ADAM9: variants seen among roughly 807,000 people sequenced by gnomAD.
ADAM9 encodes ADAM metallopeptidase domain 9.
In ADAM9, 54 loss-of-function variants were observed where a neutral mutation model predicts 108.1. The ratio of observed to expected loss-of-function variants is 0.50; its 90% CI spans 0.40 to 0.63. The LOEUF is 0.63. Ranked by LOEUF, ADAM9 falls within the 20% of genes least tolerant of loss-of-function variation. The pLI, the probability that ADAM9 is intolerant of heterozygous loss-of-function variation, is 0.00. For missense variants in ADAM9, 830 were observed against 997.7 expected, an observed-to-expected ratio of 0.83 and a Z score of 2.26; for synonymous variants, 316 against 336.0, an observed-to-expected ratio of 0.94 and a Z score of 0.65.
At chr8:39,091,729 C>G (rs1326930409) in intron 20 of ADAM9, among the ~76,000 whole-genome samples, 4 of 152,138 alleles carry the variant, frequency 2.6e-5, no homozygotes. Context: ...TCAAGTGATC[C>G]ACCCGCCTTG....
intron 12 of ADAM9, among the ~76,000 whole-genome samples, chr8:39,046,423 TTG>T (rs1837776319): frequency 2.6e-5 from 4 of 152,222 alleles, no homozygotes; most frequent in Non-Finnish European, 5.9e-5. Context: ...AGGGACAGTT[TTG>T]CTTCATTTCC....
chr8:39,026,011 G>A lies in ADAM9; in HGVS notation c.996+127G>A, dbSNP rs1836908565. ...GGGTGTTATGAGGAACACAGTAGAA[G>A]TCGCAGATGGGTTCTTTCCCCAGAG... On this transcript the variant is annotated intron_variant, in intron 10 of 21. Coordinates refer to ENST00000487273, the MANE Select transcript of ADAM9 (RefSeq NM_003816.3). The A allele has an allele frequency of 5.0e-5, 45 of 903,996 alleles. No individual in the cohort carries two copies. In the South Asian group the frequency reaches 6.1e-4, roughly 12 times the overall value. 56.0% of individuals were successfully genotyped at this position (903,996 alleles called of 1,614,324 possible).
At chr8:39,041,260 A>G (rs1418352444) in intron 11 of ADAM9, among the ~76,000 whole-genome samples, 1 of 152,226 alleles carries the variant, frequency 6.6e-6, no homozygotes, top group Non-Finnish European at 1.5e-5. Flanking sequence ...GAACATATCA[A>G]AATTGCATTT....
intron 1 of ADAM9, among the ~76,000 whole-genome samples, chr8:39,005,713 G>A (rs1836139809): frequency 6.6e-6 from 1 of 152,178 alleles, no homozygotes; most frequent in South Asian, 2.1e-4. Flanking sequence ...GTGTACTATA[G>A]TTCTTGAAAC....
chr8:39,033,824 C>T (rs1564276852), intron 11 of ADAM9, among the ~76,000 whole-genome samples: 1 of 152,034 alleles, frequency 6.6e-6, no homozygotes, highest in Non-Finnish European at 1.5e-5. Flanking sequence ...TCTTATATCT[C>T]CTTTATTTGT....
At chr8:39,097,851 A>T (rs959617060) in intron 20 of ADAM9, among the ~76,000 whole-genome samples, 1 of 152,194 alleles carries the variant, frequency 6.6e-6, no homozygotes, top group South Asian at 2.1e-4. Context: ...AATAGTACTA[A>T]TCACAAATGA....
chr8:39,008,239 C>T lies in ADAM9; in HGVS notation c.195+256C>T, dbSNP rs188298120. 1.3e-4 allele frequency among the ~76,000 whole-genome samples: 19 copies of T among 150,430 alleles called. 1 individual carries two copies. In the East Asian group the frequency reaches 1.8e-3, roughly 14 times the overall value. On this transcript the variant is annotated intron_variant, in intron 2 of 21. Coordinates refer to ENST00000487273, the MANE Select transcript of ADAM9 (RefSeq NM_003816.3). ...GCTGGAGTGTGCAGTGGTGTGATCTCGGCTCACTGCAACCTCCACCTTCTG... is the reference window on the plus strand; with the variant it reads ...GCTGGAGTGTGCAGTGGTGTGATCTTGGCTCACTGCAACCTCCACCTTCTG...
At chr8:39,059,878 G>A (rs1838243494) in intron 14 of ADAM9, among the ~76,000 whole-genome samples, 2 of 152,252 alleles carry the variant, frequency 1.3e-5, no homozygotes, top group Non-Finnish European at 2.9e-5. Context: ...TGAGGTCATA[G>A]TTGCTGGCTA....
intron 20 of ADAM9, among the ~76,000 whole-genome samples, chr8:39,091,619 T>G (rs1311518608): frequency 6.6e-6 from 1 of 152,168 alleles, no homozygotes; most frequent in African/African-American, 2.4e-5. Context: ...CCCGAGTAGC[T>G]GGGATTACAG....
rs751913981 is a variant in ADAM9 at position 39,103,799 on chromosome 8, G to T, written c.*99G>T. The T allele has an allele frequency of 1.7e-6, 2 of 1,160,700 alleles. No homozygotes were observed. Among genetic ancestry groups the T allele is most frequent in the East Asian group, 4.7e-5 (2 of 42,454 alleles). The allele number at this position is 1,160,700 out of a possible 1,614,324, so 71.9% of individuals were successfully genotyped here. Reference sequence around the variant, plus strand: ...TGAAAAGCCTTTCTGTTGCAACTATGAATGAAAACAAAACACCACAAAACA... The same window carrying T: ...TGAAAAGCCTTTCTGTTGCAACTATTAATGAAAACAAAACACCACAAAACA... On this transcript the variant is annotated 3_prime_UTR_variant, in exon 22 of 22. Transcript: ENST00000487273.
At chr8:39,063,377 A>G (rs1405035967) in intron 14 of ADAM9, among the ~76,000 whole-genome samples, 1 of 152,162 alleles carries the variant, frequency 6.6e-6, no homozygotes, top group Admixed American at 6.5e-5. Context: ...TCCTCAGGCA[A>G]TGCAGGGTTA....
chr8:39,054,347 G>A (rs1298285870), intron 12 of ADAM9, 134 bp from the exon 13 acceptor site: 4 of 752,242 alleles, frequency 5.3e-6, no homozygotes, highest in Non-Finnish European at 9.1e-6. Context: ...GAAACAGTAA[G>A]CAACTGTTTC....
intron 1 of ADAM9, among the ~76,000 whole-genome samples, chr8:39,005,612 A>G (rs1422669582): frequency 6.6e-6 from 1 of 152,228 alleles, no homozygotes. Flanking sequence ...GCAGTTAGAG[A>G]TCACTGATTG....
intron 2 of ADAM9, 123 bp downstream of exon 2, chr8:39,008,106 G>A: frequency 4.1e-6 from 3 of 724,812 alleles, no homozygotes; most frequent in Non-Finnish European, 7.2e-6. Flanking sequence ...ACTTAGAATA[G>A]CACCATATGG....
chr8:39,090,259 T>C (rs1219462216), intron 19 of ADAM9, 71 bp downstream of exon 19: 4 of 1,357,554 alleles, frequency 2.9e-6, no homozygotes, highest in Middle Eastern at 2.4e-4. Context: ...GAATCTCGAC[T>C]TCCCTGGGCT....
rs78110795 is a variant in ADAM9, at chr8:39,027,462, A to T, written c.1130+652A>T. Among the ~76,000 whole-genome samples the T allele has an allele frequency of 9.8e-3, 1,497 of 152,330 alleles. 61 individuals are homozygous for T. The highest frequency in any genetic ancestry group is 0.068 in the Admixed American group (1,037 of 15,302). Reference sequence around the variant, plus strand: ...TCACTTACTACTCATCAGTGAAATGAGGTGCACATACTTTATCTCCATTTG... The same window carrying T: ...TCACTTACTACTCATCAGTGAAATGTGGTGCACATACTTTATCTCCATTTG... On this transcript the variant is annotated intron_variant, in intron 11 of 21. Transcript: ENST00000487273.
chr8:39,018,821 T>C (rs1310925162), intron 6 of ADAM9, 32 bp from the exon 7 acceptor site: 4 of 1,606,330 alleles, frequency 2.5e-6, no homozygotes, highest in Non-Finnish European at 3.4e-6. Context: ...TATAACTTCC[T>C]TTTGCCTTTA....
intron 14 of ADAM9, among the ~76,000 whole-genome samples, chr8:39,070,753 G>A (rs1465230458): frequency 7.0e-6 from 1 of 143,002 alleles, no homozygotes; most frequent in Non-Finnish European, 1.5e-5. Context: ...GTGAGATCCT[G>A]TCTCTTAAAA....
chr8:39,100,143 G>A (rs946841957), intron 20 of ADAM9, among the ~76,000 whole-genome samples: 7 of 151,914 alleles, frequency 4.6e-5, no homozygotes, highest in African/African-American at 1.7e-4. Flanking sequence ...AAAGTGTTGT[G>A]ATTACAGGCG....
Sources: allele counts gnomAD v4.1 joint callset (sites outside exome capture counted in the v4.1 genomes callset), GRCh38; gene constraint gnomAD v4.1.1; transcripts MANE v1.5; gene names NCBI Gene and HGNC (gene_info 2026-07-23, HGNC 2026-07-21).